Variants in KAT6A observed in about 807,000 individuals in gnomAD.
KAT6A encodes histone acetyltransferase KAT6A.
KAT6A carries 9 observed loss-of-function variants against 198.4 expected under a neutral mutation model. That is an observed-to-expected ratio of 0.05 (90% CI 0.03 to 0.08). The LOEUF (loss-of-function observed/expected upper bound fraction) is 0.08, where lower values mean the gene tolerates loss of function less well. KAT6A is among the 10% of genes least tolerant of loss of function. The probability of loss-of-function intolerance (pLI) is 1.00; values close to 1 mark genes in which losing one functional copy is unlikely to be tolerated. For synonymous variants in KAT6A, 890 were observed against 883.0 expected (o/e 1.01, Z -0.14); for missense variants, 2,077 against 2,509.9 (o/e 0.83, Z 3.69).
rs1821747252 is a variant in KAT6A at position 41,934,489 on chromosome 8, G to C, written c.3731C>G (p.Ala1244Gly). 3 of 1,610,816 alleles carry C rather than the reference G, an allele frequency of 1.9e-6. No individual in the cohort carries two copies. The highest frequency in any genetic ancestry group is 2.5e-6 in the Non-Finnish European group (3 of 1,178,302). Residue 1244 changes from alanine (A) to glycine (G), a missense_variant, in exon 17 of 17, where the codon GCA becomes GGA. Transcript: ENST00000265713. ...GGCTGCTGGGACTTCACTGCTGGCT[G>C]CATCCTCTTCCTCACCCTCTTCAGC... ...EEAEEGEEED[A>G]ASSEVPAASP...
At chr8:42,013,075 T>G (rs373530944) in intron 2 of KAT6A, among the ~76,000 whole-genome samples, 3 of 152,140 alleles carry the variant, frequency 2.0e-5, no homozygotes, top group African/African-American at 7.2e-5. Context: ...GTCAAGTTTT[T>G]TTTTTTTTTT....
At chr8:41,983,591 A>C (rs1274596699) in intron 3 of KAT6A, among the ~76,000 whole-genome samples, 1 of 152,236 alleles carries the variant, frequency 6.6e-6, no homozygotes, top group East Asian at 1.9e-4. Context: ...CACTAAAATG[A>C]ATTATTTCAT....
intron 2 of KAT6A, among the ~76,000 whole-genome samples, chr8:41,998,746 C>T (rs180672322): frequency 3.2e-4 from 49 of 152,092 alleles, no homozygotes; most frequent in Non-Finnish European, 4.6e-4. Flanking sequence ...TCTTTAAATT[C>T]TTCAGCATCC....
intron 2 of KAT6A, among the ~76,000 whole-genome samples, chr8:42,010,148 T>C (rs945877247): frequency 6.6e-6 from 1 of 151,906 alleles, no homozygotes; most frequent in Non-Finnish European, 1.5e-5. Flanking sequence ...CTACTAAAAA[T>C]ACAAAAATTA....
chr8:41,967,385 C>T (rs534955486), intron 8 of KAT6A, among the ~76,000 whole-genome samples: 2 of 150,724 alleles, frequency 1.3e-5, no homozygotes, highest in Non-Finnish European at 3.0e-5. Flanking sequence ...CATGCTGGTG[C>T]GCTGCACCCA....
chr8:41,977,345 G>A lies in KAT6A; in HGVS notation c.1044-18C>T, dbSNP rs1260227307. On this transcript the variant is annotated intron_variant, in intron 6 of 16. Transcript: ENST00000265713. ...CTTTTGATCTAAACAATTAAACAGG[G>A]GAAAGGGTAAGTATTAAAAAAGATA... is the stretch of plus-strand genomic sequence containing the variant. 13 of 1,586,402 alleles carry A rather than the reference G, an allele frequency of 8.2e-6. No homozygotes were observed. In the South Asian group the frequency reaches 1.1e-4, roughly 14 times the overall value.
intron 8 of KAT6A, among the ~76,000 whole-genome samples, chr8:41,964,540 C>T (rs560517864): frequency 3.3e-4 from 50 of 150,532 alleles, no homozygotes; most frequent in African/African-American, 1.2e-3. Context: ...ACTAATGATA[C>T]TCAAACGAAA....
chr8:41,945,889 TTGTGGTGGCTGGTGCC>T (rs1011698618), intron 12 of KAT6A, among the ~76,000 whole-genome samples: 2 of 151,544 alleles, frequency 1.3e-5, no homozygotes, highest in Non-Finnish European at 2.9e-5. Context: ...ATTAGCCGGG[TTGTGGTGGCTGGTGCC>T]TGTAGTCCCA....
chr8:42,050,848 C>T (rs917086599), intron 1 of KAT6A, among the ~76,000 whole-genome samples: 1 of 152,064 alleles, frequency 6.6e-6, no homozygotes, highest in South Asian at 2.1e-4. Context: ...CATCAGTCTC[C>T]AGGTCTTCGG....
Position 41,931,163 on chromosome 8 carries a change from G to A in KAT6A, c.*1042C>T, listed in dbSNP as rs1821522301. ...CAACAATTTAAGAAAGAACCTAAGAGGCAAATCACTGGGGACTGCTATTTG... is the reference window on the plus strand; with the variant it reads ...CAACAATTTAAGAAAGAACCTAAGAAGCAAATCACTGGGGACTGCTATTTG... On this transcript the variant is annotated 3_prime_UTR_variant, in exon 17 of 17. Coordinates refer to ENST00000265713, the MANE Select transcript of KAT6A (RefSeq NM_006766.5). 1.3e-5 allele frequency: 3 copies of A among 222,296 alleles called. No individual in the cohort carries two copies. Among genetic ancestry groups the A allele is most frequent in the African/African-American group, 4.5e-5 (2 of 44,566 alleles). 13.8% of individuals were successfully genotyped at this position (222,296 alleles called of 1,614,324 possible).
chr8:41,962,378 T>A (rs956028498), intron 8 of KAT6A, among the ~76,000 whole-genome samples: 2 of 152,122 alleles, frequency 1.3e-5, no homozygotes, highest in Admixed American at 1.3e-4. Flanking sequence ...CCAAATGTGC[T>A]CTTCCTATTT....
intron 2 of KAT6A, among the ~76,000 whole-genome samples, chr8:42,007,594 TGA>T (rs1825809783): frequency 1.3e-5 from 2 of 152,066 alleles, no homozygotes; most frequent in African/African-American, 4.8e-5. Context: ...GTCTAGAGAA[TGA>T]GAGATGAAGT....
intron 2 of KAT6A, among the ~76,000 whole-genome samples, chr8:41,992,212 A>T (rs1824983331): frequency 6.6e-6 from 1 of 152,038 alleles, no homozygotes; most frequent in African/African-American, 2.4e-5. Flanking sequence ...AAAAAAAGAA[A>T]AAAAAAGGTA....
At chr8:41,941,494 C>T in intron 14 of KAT6A, 50 bp from the exon 15 acceptor site, 1 of 1,527,478 alleles carries the variant, frequency 6.5e-7, no homozygotes, top group South Asian at 1.3e-5. Flanking sequence ...GTCTTGTTTG[C>T]TTACATTTAC....
intron 2 of KAT6A, among the ~76,000 whole-genome samples, chr8:42,030,983 A>T (rs1245172478): frequency 6.8e-6 from 1 of 147,722 alleles, no homozygotes. Context: ...TGAGAAAAAA[A>T]AAGTAAGATG....
At chr8:41,946,527 C>CACACACACACAT in intron 12 of KAT6A, 64 bp downstream of exon 12, 1 of 787,568 alleles carries the variant, frequency 1.3e-6, no homozygotes, top group South Asian at 1.4e-5. Flanking sequence ...CACACACACA[C>CACACACACACAT]ACACACACAC....
intron 14 of KAT6A, 69 bp from the exon 15 acceptor site, chr8:41,941,513 A>C (rs908922619): frequency 1.5e-5 from 22 of 1,464,098 alleles, no homozygotes; most frequent in Non-Finnish European, 2.0e-5. Flanking sequence ...ACCTATTCTG[A>C]CCTTTTAAGT....
rs982524587 is a variant in KAT6A at position 41,930,665 on chromosome 8, A to G, written c.*1540T>C. 1 of 146,284 alleles carries G rather than the reference A, an allele frequency of 6.8e-6. No individual in the cohort carries two copies. The highest frequency in any genetic ancestry group is 7.4e-5 in the Admixed American group (1 of 13,502). The allele number at this position is 146,284 out of a possible 1,614,324, so 9.1% of individuals were successfully genotyped here. ...AATAGTTTCCATCTTCTAATGATGG[A>G]ATATATATATATATATATGTGTGTG... On this transcript the variant is annotated 3_prime_UTR_variant, in exon 17 of 17. Transcript: ENST00000265713.
At chr8:42,021,248 T>G (rs1826518869) in intron 2 of KAT6A, among the ~76,000 whole-genome samples, 1 of 152,230 alleles carries the variant, frequency 6.6e-6, no homozygotes, top group African/African-American at 2.4e-5. Context: ...TATGTGTTCA[T>G]GAAAATTTCA....
Sources: allele counts gnomAD v4.1 joint callset (sites outside exome capture counted in the v4.1 genomes callset), GRCh38; gene constraint gnomAD v4.1.1; transcripts MANE v1.5; gene names NCBI Gene and HGNC (gene_info 2026-07-23, HGNC 2026-07-21).